Variants in SPMIP11 observed in about 807,000 individuals in gnomAD.
SPMIP11 encodes the protein sperm microtubule inner protein 11.
At chr12:48,748,669 C>A in the SPMIP11 span, among the ~76,000 whole-genome samples, 261 of 152,242 alleles carry the variant, frequency 1.7e-3, 1 homozygote, top group African/African-American at 5.3e-3. Context: ...CTACCTTCTC[C>A]TGTTTCTTCA....
chr12:48,768,746 C>A, the SPMIP11 span: 1 of 1,609,626 alleles, frequency 6.2e-7, no homozygotes, highest in Non-Finnish European at 8.5e-7. Context: ...GCCCGCTTAG[C>A]CTGGAATCCT....
chr12:48,744,598 G>T, the SPMIP11 span, among the ~76,000 whole-genome samples: 2 of 152,004 alleles, frequency 1.3e-5, no homozygotes, highest in Non-Finnish European at 2.9e-5. Context: ...GCTGCATGGT[G>T]GCACACACCT....
At chr12:48,730,939 C>T in the SPMIP11 span, among the ~76,000 whole-genome samples, 14 of 152,006 alleles carry the variant, frequency 9.2e-5, no homozygotes, top group African/African-American at 2.4e-4. Context: ...ACTCTGTCCC[C>T]GCCCCCCAAA....
At chr12:48,759,284 G>A in the SPMIP11 span, 7 of 702,978 alleles carry the variant, frequency 1.0e-5, no homozygotes, top group South Asian at 8.9e-5. Context: ...CACCAGAATA[G>A]CCACACAAGA....
At chr12:48,753,903 ATGTT>A in the SPMIP11 span, among the ~76,000 whole-genome samples, 1 of 151,632 alleles carries the variant, frequency 6.6e-6, no homozygotes, top group Non-Finnish European at 1.5e-5. Flanking sequence ...GGGTTTTGCC[ATGTT>A]GGCCAGGCTG....
At chr12:48,769,130 C>T in the SPMIP11 span, 3 of 1,413,906 alleles carry the variant, frequency 2.1e-6, no homozygotes, top group African/African-American at 4.3e-5. Flanking sequence ...ATCCCACCTC[C>T]TGGCACTGGT....
At chr12:48,769,763 T>A in the SPMIP11 span, among the ~76,000 whole-genome samples, 2 of 149,646 alleles carry the variant, frequency 1.3e-5, no homozygotes, top group Admixed American at 1.3e-4. Context: ...ATTTTTGTTT[T>A]TTTTTTTTTT....
At chr12:48,755,060 CAACA>C in the SPMIP11 span, among the ~76,000 whole-genome samples, 1 of 152,166 alleles carries the variant, frequency 6.6e-6, no homozygotes, top group African/African-American at 2.4e-5. Context: ...GCCCCAGTTG[CAACA>C]AACAGAGGCA....
At chr12:48,765,743 A>G in the SPMIP11 span, 136 of 696,618 alleles carry the variant, frequency 2.0e-4, 6 homozygotes, top group South Asian at 1.8e-3. Context: ...ATGGCTGACT[A>G]ATGGGAGGAG....
the SPMIP11 span, among the ~76,000 whole-genome samples, chr12:48,756,779 CTT>C: frequency 7.1e-5 from 10 of 141,008 alleles, no homozygotes; most frequent in Admixed American, 7.2e-5. Context: ...TTCTTTTTTT[CTT>C]TTTTTTTTTT....
chr12:48,764,764 G>C, the SPMIP11 span: 2 of 653,590 alleles, frequency 3.1e-6, no homozygotes, highest in African/African-American at 3.6e-5. Flanking sequence ...TTGCTGGGCT[G>C]GGCTGGGCTA....
chr12:48,760,393 G>T, the SPMIP11 span, among the ~76,000 whole-genome samples: 2 of 151,948 alleles, frequency 1.3e-5, no homozygotes, highest in Admixed American at 6.6e-5. Context: ...GTCCAGGCTG[G>T]TGTCAAACTC....
chr12:48,748,034 CTCAAG>C, the SPMIP11 span, among the ~76,000 whole-genome samples: 3 of 152,122 alleles, frequency 2.0e-5, no homozygotes, highest in African/African-American at 7.2e-5. Flanking sequence ...TCTCCCAATC[CTCAAG>C]TCAACTATTT....
the SPMIP11 span, among the ~76,000 whole-genome samples, chr12:48,758,115 C>G: frequency 6.6e-6 from 1 of 152,164 alleles, no homozygotes; most frequent in South Asian, 2.1e-4. Flanking sequence ...CTTCAGTGAG[C>G]TACGATTGCA....
chr12:48,744,928 A>T, the SPMIP11 span, among the ~76,000 whole-genome samples: 6 of 152,240 alleles, frequency 3.9e-5, no homozygotes, highest in African/African-American at 1.4e-4. Context: ...GAAGCCATAG[A>T]TCAATGTAAA....
At chr12:48,756,767 T>TGTTC in the SPMIP11 span, among the ~76,000 whole-genome samples, 1 of 124,410 alleles carries the variant, frequency 8.0e-6, no homozygotes, top group Non-Finnish European at 1.9e-5. Context: ...ATGGATTTTT[T>TGTTC]TTTCTTTTTT....
the SPMIP11 span, among the ~76,000 whole-genome samples, chr12:48,761,761 G>A: frequency 9.2e-6 from 1 of 108,344 alleles, no homozygotes; most frequent in Admixed American, 1.3e-4. Context: ...GTCTCACTCT[G>A]TTGCCCAGGC....
the SPMIP11 span, among the ~76,000 whole-genome samples, chr12:48,730,964 C>T: frequency 5.3e-5 from 8 of 152,090 alleles, no homozygotes; most frequent in African/African-American, 1.9e-4. Context: ...GAAAAGAAAA[C>T]TGAGGTTCAA....
chr12:48,727,852 C>A, the SPMIP11 span, among the ~76,000 whole-genome samples: 6 of 152,026 alleles, frequency 3.9e-5, no homozygotes, highest in Non-Finnish European at 8.8e-5. Flanking sequence ...GAGTTCAAGA[C>A]CAGCCTGGGC....
Sources: gnomAD v4.1 joint callset for allele counts (sites outside exome capture counted in the v4.1 genomes callset) on GRCh38, gnomAD v4.1.1 for gene constraint, MANE v1.5 for transcripts, NCBI Gene and HGNC (gene_info 2026-07-23, HGNC 2026-07-21) for gene names.